The following SPATA17 variants were observed in gnomAD, a reference collection of about 807,000 sequenced individuals.
SPATA17 encodes the protein spermatogenesis associated 17.
A neutral mutation model predicts 62.2 loss-of-function variants in SPATA17; 53 were observed. That is an observed-to-expected ratio of 0.85 (90% CI 0.68 to 1.07). The LOEUF (loss-of-function observed/expected upper bound fraction) is 1.07, where lower values mean the gene tolerates loss of function less well. Among genes scored for constraint, SPATA17 ranks in the 50% least tolerant of loss-of-function variants. The pLI is 0.00. For synonymous variants in SPATA17, 146 were observed against 146.8 expected, an observed-to-expected ratio of 0.99 and a Z score of 0.04; for missense variants, 466 against 425.5, an observed-to-expected ratio of 1.10 and a Z score of -0.84.
At chr1:217,785,805 A>G (rs1041924813) in intron 8 of SPATA17, among the ~76,000 whole-genome samples, 3 of 152,188 alleles carry the variant, frequency 2.0e-5, no homozygotes, top group Admixed American at 6.6e-5. Context: ...TGTTAGTCAC[A>G]TATCTTCTTT....
chr1:217,768,029 G>A (rs1332805412), intron 6 of SPATA17, among the ~76,000 whole-genome samples: 2 of 151,994 alleles, frequency 1.3e-5, no homozygotes, highest in East Asian at 1.9e-4. Context: ...GGCAGATCAC[G>A]AGGTCAGGAG....
intron 4 of SPATA17, among the ~76,000 whole-genome samples, chr1:217,682,313 C>A (rs1671103471): frequency 6.6e-6 from 1 of 151,008 alleles, no homozygotes; most frequent in Admixed American, 6.6e-5. Context: ...TATAAGATAT[C>A]TAGAAGCTGA....
At chr1:217,673,302 G>A (rs762495195) in intron 4 of SPATA17, among the ~76,000 whole-genome samples, 1 of 152,118 alleles carries the variant, frequency 6.6e-6, no homozygotes, top group Non-Finnish European at 1.5e-5. Context: ...CCCACAGTAT[G>A]CCTTTACAAA....
rs1671872320 is a variant in SPATA17, at chr1:217,711,846, T to C, written c.395+28485T>C. 2.0e-5 allele frequency among the ~76,000 whole-genome samples: 3 copies of C among 152,174 alleles called. No homozygotes were observed. The South Asian group carries it at 6.2e-4, about 32-fold the overall frequency. On this transcript the variant is annotated intron_variant, in intron 5 of 10. Coordinates refer to ENST00000366933, the MANE Select transcript of SPATA17 (RefSeq NM_138796.4). Reference sequence around the variant, plus strand: ...GTTCAACTAGGCTGATGGGTTGTCCTGAAGCTAAAATTTCCCCAGGAAGGA... The same window carrying C: ...GTTCAACTAGGCTGATGGGTTGTCCCGAAGCTAAAATTTCCCCAGGAAGGA...
chr1:217,782,266 G>T lies in SPATA17; in HGVS notation c.816G>T (p.Lys272Asn). The change falls in exon 8 of 11, where the codon AAG becomes AAT. Residue 272 changes from lysine (K) to asparagine (N), a missense_variant. Physicochemically the swap from Lys to Asn is moderately conservative, Grantham distance 94. Coordinates refer to ENST00000366933, the MANE Select transcript of SPATA17 (RefSeq NM_138796.4). ...TGGCAGAACCAATCGATGAGTTAAA[G>T]TTGGCCAGAGAGGAGCTCAGAAGAG... ...LRVAEPIDEL[K>N]LAREELRREE... The T allele has an allele frequency of 6.2e-7, 1 of 1,612,738 alleles. No individual in the cohort carries two copies. Among genetic ancestry groups the T allele is most frequent in the Non-Finnish European group, 8.5e-7 (1 of 1,179,196 alleles).
intron 1 of SPATA17, among the ~76,000 whole-genome samples, chr1:217,641,229 G>C (rs1243017016): frequency 6.6e-6 from 1 of 152,076 alleles, no homozygotes; most frequent in Non-Finnish European, 1.5e-5. Context: ...TGCAAGATTT[G>C]ATCTCAAGGA....
At chr1:217,850,889 C>T (rs1018738242) in intron 9 of SPATA17, among the ~76,000 whole-genome samples, 4 of 151,278 alleles carry the variant, frequency 2.6e-5, no homozygotes, top group African/African-American at 9.7e-5. Flanking sequence ...TGATGCAAAA[C>T]AAAAAAAATA....
chr1:217,690,195 G>A (rs1005649799), intron 5 of SPATA17, among the ~76,000 whole-genome samples: 1 of 152,020 alleles, frequency 6.6e-6, no homozygotes, highest in Non-Finnish European at 1.5e-5. Context: ...GAGCCACCGG[G>A]CCCAGCCTTT....
chr1:217,641,004 C>T (rs1043796148), intron 1 of SPATA17, among the ~76,000 whole-genome samples: 10 of 151,864 alleles, frequency 6.6e-5, no homozygotes, highest in Non-Finnish European at 1.3e-4. Flanking sequence ...TATTGAGCAT[C>T]GGTTAATCAG....
At chr1:217,776,988 T>G (rs1673610190) in intron 7 of SPATA17, among the ~76,000 whole-genome samples, 1 of 151,958 alleles carries the variant, frequency 6.6e-6, no homozygotes, top group Admixed American at 6.6e-5. Context: ...TCGAAATGAG[T>G]AAGTCTATTT....
intron 4 of SPATA17, among the ~76,000 whole-genome samples, chr1:217,677,156 T>C (rs955103286): frequency 6.6e-6 from 1 of 152,070 alleles, no homozygotes; most frequent in African/African-American, 2.4e-5. Context: ...ATTTGCCAAA[T>C]AACATCACTT....
chr1:217,836,219 A>G (rs1015179925), intron 9 of SPATA17, among the ~76,000 whole-genome samples: 15 of 152,282 alleles, frequency 9.9e-5, no homozygotes, highest in South Asian at 4.1e-4. Context: ...TCAAAATGGC[A>G]TGTGAAACTT....
At chr1:217,648,140 C>A (rs1471072866) in intron 1 of SPATA17, among the ~76,000 whole-genome samples, 1 of 152,186 alleles carries the variant, frequency 6.6e-6, no homozygotes, top group Non-Finnish European at 1.5e-5. Flanking sequence ...TTATTTCCAG[C>A]AGATTTTATT....
At chr1:217,701,284 T>C (rs1488554178) in intron 5 of SPATA17, among the ~76,000 whole-genome samples, 1 of 151,818 alleles carries the variant, frequency 6.6e-6, no homozygotes, top group African/African-American at 2.4e-5. Context: ...TATTCACATA[T>C]AGATATGTGT....
chr1:217,641,856 C>T (rs1267823237), intron 1 of SPATA17, among the ~76,000 whole-genome samples: 3 of 152,188 alleles, frequency 2.0e-5, no homozygotes, highest in Non-Finnish European at 2.9e-5. Flanking sequence ...AGACTCCATT[C>T]AAGCTTTGCC....
chr1:217,727,044 T>C (rs1165755095), intron 5 of SPATA17, among the ~76,000 whole-genome samples: 1 of 151,810 alleles, frequency 6.6e-6, no homozygotes, highest in East Asian at 1.9e-4. Flanking sequence ...GGTCAGGAGT[T>C]AGAGACCAAC....
At chr1:217,751,252 T>C (rs1272679488) in intron 6 of SPATA17, among the ~76,000 whole-genome samples, 1 of 152,230 alleles carries the variant, frequency 6.6e-6, no homozygotes, top group Non-Finnish European at 1.5e-5. Context: ...AGCAATTTAT[T>C]ATATCTATTT....
chr1:217,798,189 T>G (rs1055029692), intron 8 of SPATA17, among the ~76,000 whole-genome samples: 1 of 152,190 alleles, frequency 6.6e-6, no homozygotes, highest in African/African-American at 2.4e-5. Context: ...ACCCCAGTAG[T>G]GCATGCTAAA....
At chr1:217,672,670 T>C (rs1163503313) in intron 4 of SPATA17, among the ~76,000 whole-genome samples, 1 of 152,188 alleles carries the variant, frequency 6.6e-6, no homozygotes. Context: ...TTCTTTTATG[T>C]AATATTTATT....
Sources: gnomAD v4.1 joint callset for allele counts (sites outside exome capture counted in the v4.1 genomes callset) on GRCh38, gnomAD v4.1.1 for gene constraint, MANE v1.5 for transcripts, NCBI Gene and HGNC (gene_info 2026-07-23, HGNC 2026-07-21) for gene names.